Variants in PCED1B observed in about 807,000 individuals in gnomAD.
PCED1B encodes PC-esterase domain containing 1B.
For missense variants in PCED1B, 573 were observed against 573.9 expected, an observed-to-expected ratio of 1.00 and a Z score of 0.02; for synonymous variants, 251 against 246.1, an observed-to-expected ratio of 1.02 and a Z score of -0.19.
chr12:47,215,282 T>C (rs1943219375), intron 2 of PCED1B, among the ~76,000 whole-genome samples: 1 of 150,420 alleles, frequency 6.6e-6, no homozygotes, highest in African/African-American at 2.5e-5. Flanking sequence ...AGATGGAGTC[T>C]TGCTCTTGTC....
chr12:47,106,777 T>A (rs576885118), intron 2 of PCED1B, among the ~76,000 whole-genome samples: 1 of 152,332 alleles, frequency 6.6e-6, no homozygotes, highest in South Asian at 2.1e-4. Context: ...TTCTTTTTCT[T>A]TTTCCTCCAG....
chr12:47,216,687 T>C lies in PCED1B; in HGVS notation c.-60T>C, dbSNP rs1592299966. The C allele has an allele frequency of 6.6e-6, 1 of 152,230 alleles. No individual in the cohort carries two copies. Among genetic ancestry groups the C allele is most frequent in the East Asian group, 1.9e-4 (1 of 5,194 alleles). The allele number at this position is 152,230 out of a possible 1,614,324, so 9.4% of individuals were successfully genotyped here. ...GCTTAAAAATCACCAGTTACTTTAA[T>C]GAGTAAGTACTTTTCAGTTTTTCCA... On this transcript the variant is annotated splice_region_variant and 5_prime_UTR_variant, in exon 3 of 4. It removes an upstream start codon present in the reference 5' UTR. Coordinates refer to ENST00000546455, the MANE Select transcript of PCED1B (RefSeq NM_138371.3).
At chr12:47,202,891 C>T (rs2137719108) in intron 2 of PCED1B, among the ~76,000 whole-genome samples, 1 of 152,012 alleles carries the variant, frequency 6.6e-6, no homozygotes, top group Non-Finnish European at 1.5e-5. Flanking sequence ...GTTCCCAATA[C>T]TGAGGCTATT....
chr12:47,212,575 C>G (rs573683185), intron 2 of PCED1B, among the ~76,000 whole-genome samples: 1 of 152,194 alleles, frequency 6.6e-6, no homozygotes, highest in Non-Finnish European at 1.5e-5. Flanking sequence ...TGATTTCTGT[C>G]ATCTCCCCTC....
intron 2 of PCED1B, among the ~76,000 whole-genome samples, chr12:47,153,165 C>T (rs1049709758): frequency 1.8e-4 from 27 of 151,386 alleles, no homozygotes; most frequent in South Asian, 1.5e-3. Context: ...CTGGCTAACA[C>T]GGTGAAACCC....
intron 2 of PCED1B, among the ~76,000 whole-genome samples, chr12:47,116,909 G>A (rs1267737102): frequency 6.6e-6 from 1 of 152,144 alleles, no homozygotes; most frequent in African/African-American, 2.4e-5. Context: ...ATGGTTTTTA[G>A]TATATTCACA....
chr12:47,087,272 TTA>T (rs1938033839), intron 1 of PCED1B, among the ~76,000 whole-genome samples: 1 of 152,210 alleles, frequency 6.6e-6, no homozygotes, highest in African/African-American at 2.4e-5. Context: ...GGCTTCTCAT[TTA>T]ATTCTTATAA....
chr12:47,229,204 A>G (rs910444111), intron 3 of PCED1B, among the ~76,000 whole-genome samples: 19 of 152,104 alleles, frequency 1.2e-4, no homozygotes, highest in Non-Finnish European at 2.1e-4. Context: ...ACCTGAGGTC[A>G]GGAGTTCGAG....
intron 3 of PCED1B, among the ~76,000 whole-genome samples, chr12:47,217,523 G>GAAAAAGAA (rs879668082): frequency 8.6e-6 from 1 of 115,656 alleles, no homozygotes; most frequent in African/African-American, 4.7e-5. Context: ...AAAGAAGAAA[G>GAAAAAGAA]AGAAAGAGAG....
intron 2 of PCED1B, among the ~76,000 whole-genome samples, chr12:47,192,399 G>T (rs1218430185): frequency 1.3e-5 from 2 of 152,190 alleles, no homozygotes; most frequent in Non-Finnish European, 2.9e-5. Flanking sequence ...AAGTGAAATT[G>T]TATATACTGC....
At chr12:47,110,548 C>T (rs913331296) in intron 2 of PCED1B, among the ~76,000 whole-genome samples, 5 of 152,158 alleles carry the variant, frequency 3.3e-5, no homozygotes, top group Non-Finnish European at 5.9e-5. Flanking sequence ...ACTTAGGAGA[C>T]ATTACTGGGG....
At chr12:47,130,580 T>C (rs1284322179) in intron 2 of PCED1B, among the ~76,000 whole-genome samples, 1 of 152,116 alleles carries the variant, frequency 6.6e-6, no homozygotes, top group Non-Finnish European at 1.5e-5. Flanking sequence ...TCCCAGCTAC[T>C]TAGGAGGCTA....
At chr12:47,087,146 A>G (rs12305325) in intron 1 of PCED1B, among the ~76,000 whole-genome samples, 24 of 152,338 alleles carry the variant, frequency 1.6e-4, no homozygotes, top group African/African-American at 5.8e-4. Flanking sequence ...TCAGTTTGTG[A>G]CAGTGAAAAG....
Position 47,233,832 on chromosome 12 carries a change from TTCCG to T in PCED1B, c.-57-1174_-57-1171del, listed in dbSNP as rs773818367. Among the ~76,000 whole-genome samples the T allele has an allele frequency of 3.3e-5, 5 of 152,314 alleles. No homozygotes were observed. The East Asian group carries it at 9.7e-4, about 29-fold the overall frequency. On this transcript the variant is annotated intron_variant, in intron 3 of 3. Coordinates refer to ENST00000546455, the MANE Select transcript of PCED1B (RefSeq NM_138371.3). ...AAAGTGCACATTTTGGGGTGGCATA[TTCCG>T]GTTCTCTTCAAATGTAAAGCAAAGA...
At chr12:47,195,328 C>CAAA (rs11454301) in intron 2 of PCED1B, among the ~76,000 whole-genome samples, 10 of 136,206 alleles carry the variant, frequency 7.3e-5, no homozygotes, top group Admixed American at 3.1e-4. Context: ...GTCTCTGTCT[C>CAAA]AAAAAAAAAA....
At chr12:47,165,537 G>A (rs1024454568) in intron 2 of PCED1B, among the ~76,000 whole-genome samples, 4 of 152,124 alleles carry the variant, frequency 2.6e-5, no homozygotes, top group Non-Finnish European at 5.9e-5. Flanking sequence ...TTTTAATAAT[G>A]TTTCTACAAT....
chr12:47,121,889 G>A (rs912369616), intron 2 of PCED1B, among the ~76,000 whole-genome samples: 9 of 151,824 alleles, frequency 5.9e-5, no homozygotes, highest in Admixed American at 3.3e-4. Flanking sequence ...AAAATTAGCC[G>A]GGTATGGTGG....
At chr12:47,158,287 C>A (rs1051010313) in intron 2 of PCED1B, among the ~76,000 whole-genome samples, 4 of 152,196 alleles carry the variant, frequency 2.6e-5, no homozygotes, top group African/African-American at 9.7e-5. Flanking sequence ...TTCTCCATAT[C>A]CTTGCTTAAC....
chr12:47,086,977 A>G (rs2137153624), intron 1 of PCED1B, among the ~76,000 whole-genome samples: 1 of 152,312 alleles, frequency 6.6e-6, no homozygotes, highest in Non-Finnish European at 1.5e-5. Context: ...TCACCAACCA[A>G]CGTTAACACT....
Sources: gnomAD v4.1 joint callset for allele counts (sites outside exome capture counted in the v4.1 genomes callset) on GRCh38, gnomAD v4.1.1 for gene constraint, MANE v1.5 for transcripts, NCBI Gene and HGNC (gene_info 2026-07-23, HGNC 2026-07-21) for gene names.